The following CUBN variants were observed in gnomAD, a reference collection of about 807,000 sequenced individuals.
CUBN encodes the protein cubilin, also known as 460 kDa receptor.
A neutral mutation model predicts 405.3 loss-of-function variants in CUBN; 282 were observed. That is an observed-to-expected ratio of 0.70 (90% CI 0.63 to 0.77). CUBN has a LOEUF of 0.77. Ranked by LOEUF, CUBN falls within the 30% of genes least tolerant of loss-of-function variation. The pLI is 0.00. For synonymous variants in CUBN, 1,684 were observed against 1,617.0 expected (o/e 1.04, Z -0.99); for missense variants, 4,514 against 4,475.2 (o/e 1.01, Z -0.25).
chr10:16,898,893 C>T, intron 54 of CUBN, 103 bp downstream of exon 54: 1 of 847,770 alleles, frequency 1.2e-6, no homozygotes, highest in East Asian at 2.4e-5. Flanking sequence ...GGAATCCAGG[C>T]AGCAAAATTT....
chr10:17,013,416 CTCTG>C (rs1179504954), intron 28 of CUBN, among the ~76,000 whole-genome samples: 4 of 152,166 alleles, frequency 2.6e-5, no homozygotes, highest in South Asian at 4.2e-4. Context: ...CTCTTCCTCT[CTCTG>C]TCTCTCTGTC....
chr10:16,898,611 C>G (rs10904835), intron 54 of CUBN, among the ~76,000 whole-genome samples: 1 of 151,578 alleles, frequency 6.6e-6, no homozygotes, highest in Non-Finnish European at 1.5e-5. Flanking sequence ...TTTGAAAGAG[C>G]TTTGCTCTCC....
chr10:17,057,219 G>A (rs565938196), intron 22 of CUBN, among the ~76,000 whole-genome samples: 5 of 152,288 alleles, frequency 3.3e-5, no homozygotes, highest in African/African-American at 9.6e-5. Context: ...CTCCTGCAGA[G>A]CAGGGCTACC....
intron 44 of CUBN, among the ~76,000 whole-genome samples, chr10:16,919,174 T>C (rs1219868684): frequency 6.6e-6 from 1 of 152,228 alleles, no homozygotes; most frequent in African/African-American, 2.4e-5. Context: ...CAAAGATAAA[T>C]TCTCTAACAG....
chr10:16,925,679 G>C lies in CUBN; in HGVS notation c.6367C>G (p.Leu2123Val), dbSNP rs1224068216. The C allele has an allele frequency of 1.9e-6, 3 of 1,613,972 alleles. No homozygotes were observed. The highest frequency in any genetic ancestry group is 2.2e-5 in the East Asian group (1 of 44,892). ...PSNLNCSWHV[L>V]VQSGLTIAVH... is the part of the protein sequence containing the mutation. ...GCAATGGTCAGGCCACTTTGGACCA[G>C]GACGTGCCAAGAACAGTTGAGGTTG... The change falls in exon 42 of 67, where the codon CTG (leucine) becomes GTG (valine). Residue 2123 changes from leucine to valine, a missense_variant. Physicochemically the swap from Leu to Val is conservative, Grantham distance 32. This residue lies in a region of CUBN where 1,613 missense variants were observed against 1,542.8 expected (regional missense o/e 1.05). Transcript: ENST00000377833.
rs991361303 is a variant in CUBN at position 16,913,849 on chromosome 10, G to C, written c.7495C>G (p.Leu2499Val). The C allele has an allele frequency of 1.9e-6, 3 of 1,613,944 alleles. No homozygotes were observed. The highest frequency in any genetic ancestry group is 1.3e-5 in the African/African-American group (1 of 74,914). Residue 2499 changes from leucine to valine, a missense_variant, in exon 48 of 67, where the codon CTG (leucine) becomes GTG (valine). Coordinates refer to ENST00000377833, the MANE Select transcript of CUBN (RefSeq NM_001081.4). ...RITLMFNNLR[L>V]ATHPSCNNEH... ...TTGTTGCAGGACGGATGCGTGGCCA[G>C]CCTCAGGTTGTTAAACATTAGGGTG...
chr10:16,985,981 G>C (rs1392720044), intron 29 of CUBN, among the ~76,000 whole-genome samples: 4 of 152,204 alleles, frequency 2.6e-5, no homozygotes, highest in African/African-American at 9.7e-5. Context: ...TCACAGACAG[G>C]TTTCTCAGTC....
At chr10:16,855,841 A>C (rs1839854766) in intron 59 of CUBN, among the ~76,000 whole-genome samples, 1 of 152,236 alleles carries the variant, frequency 6.6e-6, no homozygotes, top group South Asian at 2.1e-4. Context: ...AGTGAATATC[A>C]TATTACATGA....
In CUBN at chr10:17,068,122, T is replaced by C. The variant is rs1299676180; in HGVS notation, c.2950A>G (p.Asn984Asp). ...ACTTCCAAGTAGTCGTTTGTGCAAT[T>C]GTAATGAAACTCCAGATGAAATGTT... ...FETFHLEFHY[N>D]CTNDYLEVYD... The change falls in exon 21 of 67, where the codon AAT becomes GAT. Residue 984 changes from asparagine to aspartate, a missense_variant. Around this residue, in one of 5 missense-constraint regions of CUBN, gnomAD observed 1,448 missense variants for 1,388.0 expected, o/e 1.04. Coordinates refer to ENST00000377833, the MANE Select transcript of CUBN (RefSeq NM_001081.4). The C allele has an allele frequency of 6.2e-7, 1 of 1,613,616 alleles. No individual in the cohort carries two copies. Among genetic ancestry groups the C allele is most frequent in the Non-Finnish European group, 8.5e-7 (1 of 1,179,624 alleles).
chr10:16,886,913 C>A (rs531940689), intron 56 of CUBN, among the ~76,000 whole-genome samples: 3 of 152,172 alleles, frequency 2.0e-5, no homozygotes, highest in Non-Finnish European at 4.4e-5. Context: ...CTCAGCCTCC[C>A]GAGTAGCTGG....
chr10:17,083,912 G>A (rs1466779675), intron 17 of CUBN, among the ~76,000 whole-genome samples: 1 of 151,986 alleles, frequency 6.6e-6, no homozygotes, highest in Non-Finnish European at 1.5e-5. Flanking sequence ...GATTTCTGGA[G>A]GAGAGCAAGC....
At chr10:17,034,703 C>T (rs1834858265) in intron 27 of CUBN, among the ~76,000 whole-genome samples, 1 of 152,156 alleles carries the variant, frequency 6.6e-6, no homozygotes, top group African/African-American at 2.4e-5. Context: ...CCTCCCACCT[C>T]AGCTTCTTTT....
intron 22 of CUBN, among the ~76,000 whole-genome samples, chr10:17,060,475 G>C (rs550454990): frequency 1.3e-5 from 2 of 152,152 alleles, no homozygotes; most frequent in African/African-American, 4.8e-5. Flanking sequence ...AAGACAAGTA[G>C]GGAACTCAGA....
At chr10:17,015,136 T>C (rs1363101280) in intron 28 of CUBN, among the ~76,000 whole-genome samples, 1 of 152,232 alleles carries the variant, frequency 6.6e-6, no homozygotes, top group Non-Finnish European at 1.5e-5. Flanking sequence ...CTTGAGCTTT[T>C]AAATGTTTAA....
chr10:16,925,160 G>GT (rs1842146210), intron 43 of CUBN, 81 bp downstream of exon 43: 2 of 1,160,928 alleles, frequency 1.7e-6, no homozygotes, highest in East Asian at 4.9e-5. Context: ...ATTACTGTTG[G>GT]TTCAGAAAAG....
At chr10:17,089,987 G>A (rs1295588613) in intron 14 of CUBN, among the ~76,000 whole-genome samples, 5 of 151,962 alleles carry the variant, frequency 3.3e-5, no homozygotes, top group South Asian at 2.1e-4. Context: ...ATGGTGGTGC[G>A]TGTCTGTAGT....
At chr10:16,981,006 G>T (rs952042474) in intron 31 of CUBN, among the ~76,000 whole-genome samples, 1 of 152,000 alleles carries the variant, frequency 6.6e-6, no homozygotes, top group Admixed American at 6.6e-5. Flanking sequence ...GGGCCAGAAG[G>T]CAGGAAAATG....
chr10:17,101,001 C>T (rs12261966), intron 13 of CUBN, among the ~76,000 whole-genome samples: 44,326 of 152,032 alleles, frequency 0.29, 6,857 homozygotes, highest in African/African-American at 0.33. Flanking sequence ...CTGACAACCT[C>T]ATTTGAGATA....
chr10:17,068,038 A>C (rs1408880552), intron 21 of CUBN, 26 bp downstream of exon 21: 2 of 1,550,864 alleles, frequency 1.3e-6, no homozygotes, highest in Non-Finnish European at 1.8e-6. Flanking sequence ...TTTTATTGTT[A>C]AACAAACAAA....
Sources: allele counts gnomAD v4.1 joint callset (sites outside exome capture counted in the v4.1 genomes callset), GRCh38; gene constraint gnomAD v4.1.1; regional missense constraint gnomAD v4.1.1; transcripts MANE v1.5; gene names NCBI Gene and HGNC (gene_info 2026-07-23, HGNC 2026-07-21).